The following ROBO1 variants were observed in gnomAD, a reference collection of about 807,000 sequenced individuals.
ROBO1 encodes the protein roundabout homolog 1.
Under a neutral mutation model 195.9 loss-of-function variants are expected in ROBO1, and 149 were observed. The ratio of observed to expected loss-of-function variants is 0.76; its 90% CI spans 0.67 to 0.87. The LOEUF (loss-of-function observed/expected upper bound fraction) is 0.87, where lower values mean the gene tolerates loss of function less well. ROBO1 is among the 40% of genes least tolerant of loss of function. ROBO1 has a pLI of 0.00. For missense variants in ROBO1, 1,933 were observed against 2,068.3 expected, an observed-to-expected ratio of 0.93 and a Z score of 1.27; for synonymous variants, 816 against 733.2, an observed-to-expected ratio of 1.11 and a Z score of -1.82.
chr3:79,494,634 C>G (rs1232185128), intron 2 of ROBO1, among the ~76,000 whole-genome samples: 1 of 151,856 alleles, frequency 6.6e-6, no homozygotes, highest in Non-Finnish European at 1.5e-5. Flanking sequence ...CAAAAAAGAG[C>G]AAAGGCAATT....
chr3:78,664,661 A>C (rs1707629712), intron 14 of ROBO1, among the ~76,000 whole-genome samples: 1 of 152,190 alleles, frequency 6.6e-6, no homozygotes, highest in Non-Finnish European at 1.5e-5. Context: ...TTTTGACCCC[A>C]GCTCATTTCT....
intron 3 of ROBO1, among the ~76,000 whole-genome samples, chr3:79,031,939 T>C (rs1223974438): frequency 6.6e-6 from 1 of 152,134 alleles, no homozygotes; most frequent in Non-Finnish European, 1.5e-5. Flanking sequence ...GAGTTTGCAA[T>C]TAATATAGTA....
chr3:79,060,748 C>A (rs900384190), intron 3 of ROBO1, among the ~76,000 whole-genome samples: 5 of 152,092 alleles, frequency 3.3e-5, no homozygotes, highest in Non-Finnish European at 5.9e-5. Context: ...ATGACAAAAA[C>A]CAAATGATTA....
chr3:78,613,421 T>G (rs1461539716), intron 28 of ROBO1, among the ~76,000 whole-genome samples: 1 of 152,194 alleles, frequency 6.6e-6, no homozygotes, highest in Non-Finnish European at 1.5e-5. Context: ...TACCTAGTGT[T>G]TGTCCCTTCA....
intron 3 of ROBO1, among the ~76,000 whole-genome samples, chr3:79,033,273 T>G (rs142682066): frequency 6.6e-6 from 1 of 152,260 alleles, no homozygotes; most frequent in Non-Finnish European, 1.5e-5. Flanking sequence ...TTTATAATAT[T>G]ATGATGTCTC....
At chr3:78,825,659 C>T (rs150402774) in intron 4 of ROBO1, among the ~76,000 whole-genome samples, 23 of 152,256 alleles carry the variant, frequency 1.5e-4, no homozygotes, top group African/African-American at 4.8e-4. Flanking sequence ...TGGCATAAGA[C>T]GTTTAACAGA....
At chr3:79,671,085 T>C (rs916375809) in intron 1 of ROBO1, among the ~76,000 whole-genome samples, 1 of 151,782 alleles carries the variant, frequency 6.6e-6, no homozygotes, top group Non-Finnish European at 1.5e-5. Flanking sequence ...TATATGGAAT[T>C]AAAATAGTCA....
chr3:78,617,066 T>C (rs1231267831), intron 27 of ROBO1, among the ~76,000 whole-genome samples: 1 of 152,164 alleles, frequency 6.6e-6, no homozygotes, highest in South Asian at 2.1e-4. Flanking sequence ...ACATTACATA[T>C]ACCGTCATAT....
In ROBO1 at chr3:78,901,772, GGT is replaced by G. The variant is rs1281593604; in HGVS notation, c.499+36827_499+36828del. ...TCTTGACAGAACACAGTATTCCATA[GGT>G]AGATTAGACCCCATCAAATGTCTAT... On this transcript the variant is annotated intron_variant, in intron 4 of 30. Coordinates refer to ENST00000464233, the MANE Select transcript of ROBO1 (RefSeq NM_002941.4). Among the ~76,000 whole-genome samples the G allele has an allele frequency of 2.0e-5, 3 of 152,206 alleles. No homozygotes were observed. In the East Asian group the frequency reaches 5.8e-4, roughly 29 times the overall value.
intron 5 of ROBO1, among the ~76,000 whole-genome samples, chr3:78,719,969 T>C (rs2082002376): frequency 6.6e-6 from 1 of 152,200 alleles, no homozygotes; most frequent in South Asian, 2.1e-4. Flanking sequence ...AAATATATCA[T>C]TTAAATTTTT....
chr3:79,559,627 A>G (rs1942833103), intron 2 of ROBO1, among the ~76,000 whole-genome samples: 1 of 152,162 alleles, frequency 6.6e-6, no homozygotes, highest in Non-Finnish European at 1.5e-5. Flanking sequence ...AGCTTTAACA[A>G]ATATTTGCTG....
At chr3:79,698,763 G>A (rs1254478913) in intron 1 of ROBO1, among the ~76,000 whole-genome samples, 1 of 151,514 alleles carries the variant, frequency 6.6e-6, no homozygotes, top group Non-Finnish European at 1.5e-5. Context: ...AGAAATTGAA[G>A]TGTTTAGTCA....
At chr3:79,237,779 A>T (rs1255898103) in intron 2 of ROBO1, among the ~76,000 whole-genome samples, 3 of 152,278 alleles carry the variant, frequency 2.0e-5, no homozygotes, top group East Asian at 3.9e-4. Context: ...AAATAAAAAA[A>T]AATTTACTGA....
At chr3:79,708,810 T>G (rs1668115624) in intron 1 of ROBO1, among the ~76,000 whole-genome samples, 2 of 152,182 alleles carry the variant, frequency 1.3e-5, no homozygotes, top group African/African-American at 4.8e-5. Flanking sequence ...GAGGCTGCAG[T>G]GAGCTGTGAT....
chr3:79,333,377 T>C (rs1376218712), intron 2 of ROBO1, among the ~76,000 whole-genome samples: 3 of 152,068 alleles, frequency 2.0e-5, no homozygotes, highest in Non-Finnish European at 4.4e-5. Flanking sequence ...CAAGCATGCG[T>C]AACCATGTAA....
intron 1 of ROBO1, among the ~76,000 whole-genome samples, chr3:79,679,285 A>C (rs1053014281): frequency 1.3e-5 from 2 of 151,996 alleles, no homozygotes; most frequent in Non-Finnish European, 2.9e-5. Flanking sequence ...TTTATTTTAT[A>C]TTAGTTGTTT....
At position 79,146,744 on chromosome 3, in the gene ROBO1, C is replaced by A. The variant is rs556807042; in HGVS notation, c.89-21205G>T. Among the ~76,000 whole-genome samples, 3 of 151,890 alleles carry A rather than the reference C, an allele frequency of 2.0e-5. No homozygotes were observed. The East Asian group carries it at 5.8e-4, about 30-fold the overall frequency. Reference sequence around the variant, plus strand: ...TAAAGACAGTGTTGAAAGAAAAAAGCACATAGGACAAAATAGAAAATGCTC... The same window carrying A: ...TAAAGACAGTGTTGAAAGAAAAAAGAACATAGGACAAAATAGAAAATGCTC... On this transcript the variant is annotated intron_variant, in intron 2 of 30. Coordinates refer to ENST00000464233, the MANE Select transcript of ROBO1 (RefSeq NM_002941.4).
intron 2 of ROBO1, among the ~76,000 whole-genome samples, chr3:79,441,331 T>C (rs909955795): frequency 3.9e-5 from 6 of 152,176 alleles, no homozygotes; most frequent in Admixed American, 3.9e-4. Flanking sequence ...TATTGAACAC[T>C]AAGCTGCATT....
chr3:78,855,320 G>A (rs764319218), intron 4 of ROBO1, among the ~76,000 whole-genome samples: 4 of 152,066 alleles, frequency 2.6e-5, no homozygotes, highest in Admixed American at 2.0e-4. Context: ...ATACTAATAC[G>A]TCTCTCTGAG....
Sources: gnomAD v4.1 joint callset for allele counts (sites outside exome capture counted in the v4.1 genomes callset) on GRCh38, gnomAD v4.1.1 for gene constraint, MANE v1.5 for transcripts, NCBI Gene and HGNC (gene_info 2026-07-23, HGNC 2026-07-21) for gene names.